ATP10B: variants seen among roughly 807,000 people sequenced by gnomAD.
The protein encoded by ATP10B is ATPase phospholipid transporting 10B (putative).
A neutral mutation model predicts 141.2 loss-of-function variants in ATP10B; 122 were observed. The observed-to-expected ratio is 0.86, with a 90% CI of 0.75 to 1.00. The LOEUF (loss-of-function observed/expected upper bound fraction) is 1.00, where lower values mean the gene tolerates loss of function less well. Among genes scored for constraint, ATP10B ranks in the 50% least tolerant of loss-of-function variants. The probability of loss-of-function intolerance (pLI) is 0.00; values close to 1 mark genes in which losing one functional copy is unlikely to be tolerated. For synonymous variants in ATP10B, 685 were observed against 692.0 expected, an observed-to-expected ratio of 0.99 and a Z score of 0.16; for missense variants, 1,876 against 1,825.3, an observed-to-expected ratio of 1.03 and a Z score of -0.51.
At chr5:160,797,361 C>G (rs1219659899) in intron 1 of ATP10B, among the ~76,000 whole-genome samples, 1 of 152,124 alleles carries the variant, frequency 6.6e-6, no homozygotes, top group African/African-American at 2.4e-5. Context: ...CAAGTTTATC[C>G]CCACCTGTGT....
At chr5:160,812,643 A>G (rs993158645) in intron 1 of ATP10B, among the ~76,000 whole-genome samples, 1 of 152,200 alleles carries the variant, frequency 6.6e-6, no homozygotes, top group Non-Finnish European at 1.5e-5. Context: ...TAATAGCAGA[A>G]TTGATCAGGC....
chr5:160,669,752 A>G (rs1007821023), intron 7 of ATP10B, among the ~76,000 whole-genome samples: 7 of 150,964 alleles, frequency 4.6e-5, no homozygotes, highest in Non-Finnish European at 8.8e-5. Flanking sequence ...GATGCCTGCC[A>G]TCACGGGGCT....
At chr5:160,657,498 G>T (rs1469682454) in intron 7 of ATP10B, among the ~76,000 whole-genome samples, 2 of 152,166 alleles carry the variant, frequency 1.3e-5, no homozygotes, top group African/African-American at 4.8e-5. Context: ...CACAAAAGCA[G>T]GCAGATTGGG....
chr5:160,697,400 C>G (rs1764431764), intron 3 of ATP10B, among the ~76,000 whole-genome samples: 1 of 152,266 alleles, frequency 6.6e-6, no homozygotes, highest in East Asian at 1.9e-4. Flanking sequence ...GCACTGTACT[C>G]AGCTACAGGC....
the ATP10B span, among the ~76,000 whole-genome samples, chr5:160,873,319 CATT>C: frequency 6.6e-6 from 1 of 152,104 alleles, no homozygotes; most frequent in African/African-American, 2.4e-5. Flanking sequence ...CAAAATTTCT[CATT>C]AACATCAGGA....
intron 14 of ATP10B, among the ~76,000 whole-genome samples, chr5:160,621,387 C>G (rs980385777): frequency 6.6e-6 from 1 of 152,166 alleles, no homozygotes; most frequent in African/African-American, 2.4e-5. Context: ...CAGGTCTCCT[C>G]GACTCCAGAG....
chr5:160,917,794 C>T, the ATP10B span, among the ~76,000 whole-genome samples: 1 of 152,220 alleles, frequency 6.6e-6, no homozygotes. Flanking sequence ...CACCTACCCT[C>T]CCTTCCAGGT....
the ATP10B span, among the ~76,000 whole-genome samples, chr5:160,916,396 T>A: frequency 1.3e-5 from 2 of 152,136 alleles, no homozygotes; most frequent in Non-Finnish European, 1.5e-5. Flanking sequence ...AGGCAAAAGA[T>A]GTTTTTTTTG....
At chr5:160,800,315 T>G in intron 1 of ATP10B, among the ~76,000 whole-genome samples, 1 of 152,314 alleles carries the variant, frequency 6.6e-6, no homozygotes, top group Non-Finnish European at 1.5e-5. Flanking sequence ...AATAAAAATG[T>G]CAATCTTATT....
rs1179012206 is a variant in ATP10B, at chr5:160,602,690, T to C, written c.3250A>G (p.Ser1084Gly). 1 of 1,613,972 alleles carries C rather than the reference T, an allele frequency of 6.2e-7. No homozygotes were observed. The highest frequency in any genetic ancestry group is 8.5e-7 in the Non-Finnish European group (1 of 1,179,864). Residue 1084 changes from serine to glycine, a missense_variant, in exon 21 of 26, where the codon AGC becomes GGC. Transcript: ENST00000327245. Reference sequence around the variant, plus strand: ...TTAAAGCGGGTGATGGCAAAGTCGCTGGACATGACAGCCTGAGAGGTGAGA... The same window carrying C: ...TTAAAGCGGGTGATGGCAAAGTCGCCGGACATGACAGCCTGAGAGGTGAGA... The part of the protein sequence containing the change: ...GQEGMQAVMS[S>G]DFAITRFKHL...
rs543484234 is a variant in ATP10B, at chr5:160,707,886, A to G, written c.-205+9023T>C. Among the ~76,000 whole-genome samples, 4 of 152,308 alleles carry G rather than the reference A, an allele frequency of 2.6e-5. No homozygotes were observed. The East Asian group carries it at 7.7e-4, about 29-fold the overall frequency. On this transcript the variant is annotated intron_variant, in intron 3 of 25. Coordinates refer to ENST00000327245, the MANE Select transcript of ATP10B (RefSeq NM_025153.3). ...CAGAGAAGCAGCACATCGATAAATCAATCAGACACTACAAGCTTGAAGAAG... is the reference window on the plus strand; with the variant it reads ...CAGAGAAGCAGCACATCGATAAATCGATCAGACACTACAAGCTTGAAGAAG...
chr5:160,771,495 TC>T (rs1485421714), intron 2 of ATP10B, among the ~76,000 whole-genome samples: 1 of 152,212 alleles, frequency 6.6e-6, no homozygotes, highest in African/African-American at 2.4e-5. Context: ...AAATTTATTG[TC>T]CCTTTTATAA....
chr5:160,878,590 G>C, the ATP10B span, among the ~76,000 whole-genome samples: 7 of 151,744 alleles, frequency 4.6e-5, no homozygotes, highest in South Asian at 8.3e-4. Flanking sequence ...CCGTCAGAGC[G>C]AACAGGCAAC....
At chr5:160,603,604 T>A in intron 20 of ATP10B, 1 of 249,282 alleles carries the variant, frequency 4.0e-6, no homozygotes, top group Non-Finnish European at 8.1e-6. Flanking sequence ...ATTTCAGAAC[T>A]ATTCTGCAGC....
At chr5:160,776,818 T>G (rs1029247192) in intron 2 of ATP10B, among the ~76,000 whole-genome samples, 9 of 152,194 alleles carry the variant, frequency 5.9e-5, no homozygotes, top group African/African-American at 2.2e-4. Flanking sequence ...GGCTGAGATT[T>G]CTCTGTGTGT....
At chr5:160,710,000 A>C (rs867837205) in intron 3 of ATP10B, among the ~76,000 whole-genome samples, 116 of 93,166 alleles carry the variant, frequency 1.2e-3, no homozygotes, top group African/African-American at 4.4e-3. Context: ...TTTCTTAATC[A>C]AGTCTATCAT....
chr5:160,670,633 C>A lies in ATP10B; in HGVS notation c.505G>T (p.Asp169Tyr). The A allele has an allele frequency of 6.2e-7, 1 of 1,613,734 alleles. No homozygotes were observed. Among genetic ancestry groups the A allele is most frequent in the Non-Finnish European group, 8.5e-7 (1 of 1,179,808 alleles). ...TGGATGAAGTCTCCCACGCGCACAT[C>A]CTTCCAGCACTTCTGCACATAGGTC... The part of the protein sequence containing the change: ...EQTYVQKCWK[D>Y]VRVGDFIQMK... The change falls in exon 7 of 26, where the codon GAT (aspartate) becomes TAT (tyrosine). Residue 169 changes from aspartate to tyrosine, a missense_variant. Coordinates refer to ENST00000327245, the MANE Select transcript of ATP10B (RefSeq NM_025153.3).
At chr5:160,589,208 C>T (rs1756109349) in intron 24 of ATP10B, among the ~76,000 whole-genome samples, 1 of 152,130 alleles carries the variant, frequency 6.6e-6, no homozygotes, top group Non-Finnish European at 1.5e-5. Context: ...GACGGGATTT[C>T]ACCATCTTGG....
intron 2 of ATP10B, among the ~76,000 whole-genome samples, chr5:160,733,615 CAT>C (rs1308194811): frequency 2.0e-5 from 3 of 151,400 alleles, no homozygotes; most frequent in African/African-American, 4.9e-5. Flanking sequence ...ATATGTCACA[CAT>C]ATATTACACA....
Sources: gnomAD v4.1 joint callset for allele counts (sites outside exome capture counted in the v4.1 genomes callset) on GRCh38, gnomAD v4.1.1 for gene constraint, MANE v1.5 for transcripts, NCBI Gene and HGNC (gene_info 2026-07-23, HGNC 2026-07-21) for gene names.